CDKAL1: variants seen among roughly 807,000 people sequenced by gnomAD.
The protein encoded by CDKAL1 is CDKAL1 threonylcarbamoyladenosine tRNA methylthiotransferase.
CDKAL1 carries 32 observed loss-of-function variants against 68.2 expected under a neutral mutation model. That is an observed-to-expected ratio of 0.47 (90% CI 0.35 to 0.63). The LOEUF (loss-of-function observed/expected upper bound fraction) is 0.63. Among genes scored for constraint, CDKAL1 ranks in the 30% least tolerant of loss-of-function variants. CDKAL1 has a pLI of 0.00. For missense variants in CDKAL1, 606 were observed against 696.7 expected, an observed-to-expected ratio of 0.87 and a Z score of 1.47; for synonymous variants, 234 against 244.3, an observed-to-expected ratio of 0.96 and a Z score of 0.39.
chr6:20,799,040 G>GGTTT (rs772767946), intron 8 of CDKAL1, among the ~76,000 whole-genome samples: 2 of 47,482 alleles, frequency 4.2e-5, no homozygotes, highest in Non-Finnish European at 7.3e-5. Context: ...AAAGAACTGA[G>GGTTT]TTTTTTTTTT....
intron 4 of CDKAL1, among the ~76,000 whole-genome samples, chr6:20,569,262 G>T (rs565692235): frequency 3.3e-5 from 5 of 152,282 alleles, no homozygotes; most frequent in African/African-American, 1.2e-4. Context: ...CCTTATTGGT[G>T]CTTTACAGAT....
At chr6:21,191,138 G>A (rs1449552006) in intron 13 of CDKAL1, among the ~76,000 whole-genome samples, 1 of 152,208 alleles carries the variant, frequency 6.6e-6, no homozygotes, top group Non-Finnish European at 1.5e-5. Flanking sequence ...TTTGAGTAAT[G>A]TCTGCGTTTC....
chr6:20,758,863 A>G (rs946901862), intron 7 of CDKAL1, among the ~76,000 whole-genome samples: 1 of 152,192 alleles, frequency 6.6e-6, no homozygotes, highest in Non-Finnish European at 1.5e-5. Flanking sequence ...GGCAAAGAGC[A>G]ATGGCTTACT....
At chr6:20,710,166 G>A (rs1034519185) in intron 5 of CDKAL1, among the ~76,000 whole-genome samples, 4 of 152,014 alleles carry the variant, frequency 2.6e-5, no homozygotes, top group African/African-American at 9.7e-5. Flanking sequence ...ACTTCATTAG[G>A]GAAATCATGG....
At chr6:20,704,385 T>C (rs1322613263) in intron 5 of CDKAL1, among the ~76,000 whole-genome samples, 2 of 152,058 alleles carry the variant, frequency 1.3e-5, no homozygotes, top group Admixed American at 1.3e-4. Flanking sequence ...GGTAAAATGA[T>C]TTGAGCAGGG....
intron 4 of CDKAL1, among the ~76,000 whole-genome samples, chr6:20,609,264 C>CTTCCTCCTCCTT (rs1554162612): frequency 1.3e-4 from 10 of 79,940 alleles, no homozygotes; most frequent in African/African-American, 5.0e-4. Context: ...CTCCTTCCTT[C>CTTCCTCCTCCTT]CTCCTCCTTC....
chr6:21,145,816 C>T lies in CDKAL1; in HGVS notation c.1299+37353C>T, dbSNP rs933173560. Among the ~76,000 whole-genome samples, 4 of 152,210 alleles carry T rather than the reference C, an allele frequency of 2.6e-5. No homozygotes were observed. The South Asian group carries it at 8.3e-4, about 32-fold the overall frequency. ...TCAGGAGGCAGACATGGCAGTATCACTTGAACCCAAGAGTTCAAGGCTGCA... is the reference window on the plus strand; with the variant it reads ...TCAGGAGGCAGACATGGCAGTATCATTTGAACCCAAGAGTTCAAGGCTGCA... On this transcript the variant is annotated intron_variant, in intron 13 of 15. Coordinates refer to ENST00000274695, the MANE Select transcript of CDKAL1 (RefSeq NM_017774.3).
rs570101003 is a variant in CDKAL1, at chr6:20,599,388, C to T, written c.287-49905C>T. 2.2e-5 allele frequency: 10 copies of T among 454,112 alleles called. No homozygotes were observed. The East Asian group carries it at 2.8e-4, about 13-fold the overall frequency. 28.1% of individuals were successfully genotyped at this position (454,112 alleles called of 1,614,324 possible). ...CTCCAGTTATTTCAGGTTGAGTGTA[C>T]GTTTGCTTCGTCTTCAAAGTAGAAA... is the stretch of plus-strand genomic sequence containing the variant. On this transcript the variant is annotated intron_variant, in intron 4 of 15. Coordinates refer to ENST00000274695, the MANE Select transcript of CDKAL1 (RefSeq NM_017774.3).
chr6:21,228,586 T>C (rs1013548354), intron 15 of CDKAL1, among the ~76,000 whole-genome samples: 1 of 152,192 alleles, frequency 6.6e-6, no homozygotes, highest in Non-Finnish European at 1.5e-5. Flanking sequence ...GCTCATCTCA[T>C]TGGAATACAC....
chr6:21,129,097 A>G (rs1775157993), intron 13 of CDKAL1, among the ~76,000 whole-genome samples: 1 of 152,340 alleles, frequency 6.6e-6, no homozygotes, highest in Non-Finnish European at 1.5e-5. Context: ...TAAACAAGAG[A>G]ATGTATGTTG....
At chr6:21,113,716 G>A (rs942445274) in intron 13 of CDKAL1, among the ~76,000 whole-genome samples, 1 of 151,180 alleles carries the variant, frequency 6.6e-6, no homozygotes, top group Non-Finnish European at 1.5e-5. Flanking sequence ...TGATCCACCC[G>A]CCTCAGCCTC....
chr6:20,962,888 G>GT (rs1765120626), intron 10 of CDKAL1, among the ~76,000 whole-genome samples: 1 of 152,156 alleles, frequency 6.6e-6, no homozygotes, highest in African/African-American at 2.4e-5. Flanking sequence ...TGTTGGCACT[G>GT]TTTTTTGCCA....
At chr6:20,644,072 AT>A (rs1400965403) in intron 4 of CDKAL1, among the ~76,000 whole-genome samples, 1 of 150,968 alleles carries the variant, frequency 6.6e-6, no homozygotes, top group Non-Finnish European at 1.5e-5. Flanking sequence ...ACCTCAAGTA[AT>A]TTGCCCGCCT....
chr6:21,131,596 A>T (rs1197088620), intron 13 of CDKAL1, among the ~76,000 whole-genome samples: 8 of 152,192 alleles, frequency 5.3e-5, no homozygotes, highest in Admixed American at 5.2e-4. Context: ...GGTAGCAGTG[A>T]AACAGACATG....
At chr6:21,170,990 T>C (rs1400003649) in intron 13 of CDKAL1, among the ~76,000 whole-genome samples, 1 of 152,224 alleles carries the variant, frequency 6.6e-6, no homozygotes, top group Admixed American at 6.5e-5. Flanking sequence ...TCTGATCACC[T>C]GATTACCCAC....
chr6:20,585,343 C>T lies in CDKAL1; in HGVS notation c.286+36638C>T, dbSNP rs938496643. 9.2e-5 allele frequency among the ~76,000 whole-genome samples: 14 copies of T among 152,112 alleles called. 1 individual carries two copies. The highest frequency in any genetic ancestry group is 2.0e-4 in the Admixed American group (3 of 15,278). On this transcript the variant is annotated intron_variant, in intron 4 of 15. Transcript: ENST00000274695. ...CTGGGATTACAGGCGTGAGCCACTGCGCCCGGCCGATAATCTTGTTTTTTG... is the reference window on the plus strand; with the variant it reads ...CTGGGATTACAGGCGTGAGCCACTGTGCCCGGCCGATAATCTTGTTTTTTG...
chr6:20,787,920 A>G lies in CDKAL1; in HGVS notation c.638+6655A>G, dbSNP rs572381721. ...TAAAAATCCTGCTCTGTCACTATAT[A>G]TAGTTTGAGAAACACTGATTTAGGC... On this transcript the variant is annotated intron_variant, in intron 8 of 15. Transcript: ENST00000274695. Among the ~76,000 whole-genome samples, 37 of 152,332 alleles carry G rather than the reference A, an allele frequency of 2.4e-4. 1 individual carries two copies. The South Asian group carries it at 7.5e-3, about 31-fold the overall frequency.
At chr6:21,108,586 A>AT (rs1304213228) in intron 13 of CDKAL1, 123 bp downstream of exon 13, 1 of 592,212 alleles carries the variant, frequency 1.7e-6, no homozygotes, top group East Asian at 3.2e-5. Flanking sequence ...TTCAATTTAA[A>AT]TTTTTTAGCT....
chr6:20,905,841 T>C (rs545873670), intron 9 of CDKAL1, among the ~76,000 whole-genome samples: 2 of 152,050 alleles, frequency 1.3e-5, no homozygotes, highest in Non-Finnish European at 2.9e-5. Context: ...CCAAAGAACC[T>C]ATATCTAACG....
Sources: gnomAD v4.1 joint callset for allele counts (sites outside exome capture counted in the v4.1 genomes callset) on GRCh38, gnomAD v4.1.1 for gene constraint, MANE v1.5 for transcripts, NCBI Gene and HGNC (gene_info 2026-07-23, HGNC 2026-07-21) for gene names.